The following SOS2 variants were observed in gnomAD, a reference collection of about 807,000 sequenced individuals.
The protein encoded by SOS2 is SOS Ras/Rho guanine nucleotide exchange factor 2.
SOS2 carries 65 observed loss-of-function variants against 148.2 expected under a neutral mutation model. The observed-to-expected ratio is 0.44, with a 90% CI of 0.36 to 0.54. The LOEUF is 0.54. SOS2 is among the 20% of genes least tolerant of loss of function. The probability of loss-of-function intolerance (pLI) is 0.00; values close to 1 mark genes in which losing one functional copy is unlikely to be tolerated. For missense variants in SOS2, 1,341 were observed against 1,590.2 expected (o/e 0.84, Z 2.67); for synonymous variants, 539 against 537.1 (o/e 1.00, Z -0.05).
At chr14:50,145,731 G>A (rs1159404625) in intron 14 of SOS2, 135 bp from the exon 15 acceptor site, 3 of 565,902 alleles carry the variant, frequency 5.3e-6, no homozygotes, top group Middle Eastern at 4.8e-4. Flanking sequence ...AATTCAGAGA[G>A]GAATAGACCC....
chr14:50,199,951 T>A lies in SOS2; in HGVS notation c.346-96A>T, dbSNP rs1222395672. On this transcript the variant is annotated intron_variant, in intron 3 of 22. Coordinates refer to ENST00000216373, the MANE Select transcript of SOS2 (RefSeq NM_006939.4). ...ATTTAACATCCTTGCTTATAAAAAA[T>A]TTTCTATTAACTACATGTCTAAATG... 19 of 752,858 alleles carry A rather than the reference T, an allele frequency of 2.5e-5. No homozygotes were observed. The East Asian group carries it at 5.1e-4, about 20-fold the overall frequency. The allele number at this position is 752,858 out of a possible 1,614,324, so 46.6% of individuals were successfully genotyped here. A position where few individuals can be genotyped will look rare whatever the true frequency, so the allele number is the denominator to read the frequency against.
rs143370767 is a variant in SOS2 at position 50,210,920 on chromosome 14, G to A, written c.88-6511C>T. On this transcript the variant is annotated intron_variant, in intron 1 of 22. Coordinates refer to ENST00000216373, the MANE Select transcript of SOS2 (RefSeq NM_006939.4). ...GGTAACTATGTGGAGCAATGGGAAC[G>A]ATCACACACTGCTACTGGAATGTAA... 7.5e-3 allele frequency among the ~76,000 whole-genome samples: 1,135 copies of A among 152,132 alleles called. 2 individuals carry two copies. The highest frequency in any genetic ancestry group is 0.021 in the Middle Eastern group (6 of 292).
intron 1 of SOS2, among the ~76,000 whole-genome samples, chr14:50,220,729 G>C (rs1015453095): frequency 5.3e-5 from 8 of 152,102 alleles, no homozygotes; most frequent in Admixed American, 4.6e-4. Flanking sequence ...TTAAAATGCA[G>C]ATAAGTACAG....
intron 16 of SOS2, among the ~76,000 whole-genome samples, chr14:50,142,570 T>A (rs1884330976): frequency 6.6e-6 from 1 of 152,208 alleles, no homozygotes; most frequent in South Asian, 2.1e-4. Flanking sequence ...TGGAATAATA[T>A]TATAGTCATT....
At chr14:50,123,956 C>T (rs1254045950) in intron 21 of SOS2, among the ~76,000 whole-genome samples, 1 of 152,106 alleles carries the variant, frequency 6.6e-6, no homozygotes, top group Non-Finnish European at 1.5e-5. Flanking sequence ...GTAAAAGATA[C>T]TTCTATTACA....
intron 5 of SOS2, among the ~76,000 whole-genome samples, chr14:50,184,578 GA>G (rs1253073874): frequency 6.6e-6 from 1 of 151,994 alleles, no homozygotes; most frequent in Non-Finnish European, 1.5e-5. Flanking sequence ...AGGGTTACTT[GA>G]AACCAAACTG....
At chr14:50,154,654 T>C (rs1009055815) in intron 12 of SOS2, among the ~76,000 whole-genome samples, 3 of 152,184 alleles carry the variant, frequency 2.0e-5, no homozygotes, top group African/African-American at 7.2e-5. Flanking sequence ...AAATAAGCCA[T>C]TGATACAAAT....
At chr14:50,171,195 T>C (rs1411510606) in intron 8 of SOS2, among the ~76,000 whole-genome samples, 2 of 151,986 alleles carry the variant, frequency 1.3e-5, no homozygotes, top group East Asian at 3.9e-4. Context: ...GCACTGTTGG[T>C]AGGAATGTAC....
intron 21 of SOS2, among the ~76,000 whole-genome samples, chr14:50,120,675 A>G (rs1883472128): frequency 6.6e-6 from 1 of 152,096 alleles, no homozygotes; most frequent in Non-Finnish European, 1.5e-5. Flanking sequence ...CACAAATCAA[A>G]ACAAAACATG....
intron 8 of SOS2, among the ~76,000 whole-genome samples, chr14:50,171,290 C>T (rs2139668016): frequency 6.6e-6 from 1 of 152,156 alleles, no homozygotes; most frequent in South Asian, 2.1e-4. Flanking sequence ...CCATTCCACT[C>T]CTGGGTATAT....
chr14:50,138,140 C>CTCTTACA, intron 18 of SOS2, among the ~76,000 whole-genome samples: 1 of 150,794 alleles, frequency 6.6e-6, no homozygotes, highest in Non-Finnish European at 1.5e-5. Flanking sequence ...CATGCCCAGC[C>CTCTTACA]GATACTTATA....
At chr14:50,220,371 A>G (rs1887165806) in intron 1 of SOS2, among the ~76,000 whole-genome samples, 1 of 123,826 alleles carries the variant, frequency 8.1e-6, no homozygotes, top group African/African-American at 3.0e-5. Flanking sequence ...GCACCACTGC[A>G]CTCCAGCCTG....
chr14:50,227,772 A>T (rs1314925322), intron 1 of SOS2, among the ~76,000 whole-genome samples: 1 of 152,104 alleles, frequency 6.6e-6, no homozygotes, highest in Admixed American at 6.5e-5. Flanking sequence ...TTGGTTTTTT[A>T]AAAATCCCTT....
At chr14:50,151,831 G>A (rs929157252) in intron 13 of SOS2, among the ~76,000 whole-genome samples, 12 of 151,910 alleles carry the variant, frequency 7.9e-5, no homozygotes, top group African/African-American at 9.7e-5. Flanking sequence ...AAAAGTGATC[G>A]CTTCACCTCA....
rs138988010 is a variant in SOS2 at position 50,135,952 on chromosome 14, C to A, written c.2959-1713G>T. Among the ~76,000 whole-genome samples the A allele has an allele frequency of 3.4e-3, 513 of 151,926 alleles. 4 individuals carry two copies. The highest frequency in any genetic ancestry group is 0.011 in the African/African-American group (461 of 41,478). ...CTTAGCAGCAAATTACTGGATTTAG[C>A]TTTATTTAATTTTGAAGTGGTTTAG... On this transcript the variant is annotated intron_variant, in intron 18 of 22. Coordinates refer to ENST00000216373, the MANE Select transcript of SOS2 (RefSeq NM_006939.4).
intron 4 of SOS2, among the ~76,000 whole-genome samples, chr14:50,191,467 T>C (rs183824827): frequency 2.0e-5 from 3 of 152,182 alleles, no homozygotes; most frequent in African/African-American, 7.2e-5. Flanking sequence ...AGATCCTATC[T>C]CTAAATAAGA....
chr14:50,117,592 CTG>C lies in SOS2; in HGVS notation c.*750_*751del, dbSNP rs1207483999. On this transcript the variant is annotated 3_prime_UTR_variant, in exon 23 of 23. Coordinates refer to ENST00000216373, the MANE Select transcript of SOS2 (RefSeq NM_006939.4). ...CTTTAAATATACAATATAAACAAAA[CTG>C]TACATACATGGCATATTAACTGTTT... 2 of 152,118 alleles carry C rather than the reference CTG, an allele frequency of 1.3e-5. No homozygotes were observed. The highest frequency in any genetic ancestry group is 2.4e-5 in the African/African-American group (1 of 41,426). The allele number at this position is 152,118 out of a possible 1,614,324, so 9.4% of individuals were successfully genotyped here. A position where few individuals can be genotyped will look rare whatever the true frequency, so the allele number is the denominator to read the frequency against.
At position 50,218,218 on chromosome 14, in the gene SOS2, GAAAAAA is replaced by G. The variant is rs35149667; in HGVS notation, c.87+12973_87+12978del. ...GTATATAATGAAACTTCGATAAAAGGAAAAAAAAAAAAAAAAAAAAAAGGCCGAGTG... is the reference window on the plus strand; with the variant it reads ...GTATATAATGAAACTTCGATAAAAGGAAAAAAAAAAAAAAAAGGCCGAGTG... On this transcript the variant is annotated intron_variant, in intron 1 of 22. Coordinates refer to ENST00000216373, the MANE Select transcript of SOS2 (RefSeq NM_006939.4). 1.3e-3 allele frequency among the ~76,000 whole-genome samples: 128 copies of G among 95,790 alleles called. 2 individuals carry two copies. The highest frequency in any genetic ancestry group is 0.011 in the East Asian group (40 of 3,546). 62.8% of individuals were successfully genotyped at this position (95,790 alleles called of 152,430 possible).
rs139223756 is a variant in SOS2 at position 50,180,531 on chromosome 14, A to AT, written c.969+40dup. On this transcript the variant is annotated intron_variant, in intron 7 of 22. Transcript: ENST00000216373. ...AAATAGTGAGATATTTATTTGCTTT[A>AT]TTAAAAAAAAAAAAAAAAAAAACCT... 5 of 543,160 alleles carry AT rather than the reference A, an allele frequency of 9.2e-6. No individual in the cohort carries two copies. The South Asian group carries it at 1.2e-4, about 13-fold the overall frequency. 33.6% of individuals were successfully genotyped at this position (543,160 alleles called of 1,614,324 possible).
Sources: gnomAD v4.1 joint callset for allele counts (sites outside exome capture counted in the v4.1 genomes callset) on GRCh38, gnomAD v4.1.1 for gene constraint, MANE v1.5 for transcripts, NCBI Gene and HGNC (gene_info 2026-07-23, HGNC 2026-07-21) for gene names.